The following AFAP1 variants were observed in gnomAD, a reference collection of about 807,000 sequenced individuals.
AFAP1 encodes actin filament-associated protein 1.
A neutral mutation model predicts 93.9 loss-of-function variants in AFAP1; 75 were observed. The ratio of observed to expected loss-of-function variants is 0.80; its 90% CI spans 0.66 to 0.97. The LOEUF is 0.97. Among genes scored for constraint, AFAP1 ranks in the 50% least tolerant of loss-of-function variants. AFAP1 has a pLI of 0.00. For synonymous variants in AFAP1, 517 were observed against 430.7 expected, an observed-to-expected ratio of 1.20 and a Z score of -2.48; for missense variants, 1,201 against 1,050.8, an observed-to-expected ratio of 1.14 and a Z score of -1.98.
At chr4:7,861,241 G>A (rs540100636) in intron 3 of AFAP1, among the ~76,000 whole-genome samples, 3 of 152,210 alleles carry the variant, frequency 2.0e-5, no homozygotes, top group African/African-American at 7.2e-5. Context: ...TCACATATTG[G>A]CGAAACCCTT....
At chr4:7,814,397 G>A (rs551384366) in intron 8 of AFAP1, among the ~76,000 whole-genome samples, 1 of 152,344 alleles carries the variant, frequency 6.6e-6, no homozygotes, top group South Asian at 2.1e-4. Context: ...AGAAGCCTAT[G>A]ACCAAGCAAT....
rs1714957680 is a variant in AFAP1 at position 7,855,571 on chromosome 4, G to A, written c.229C>T (p.Pro77Ser). ...LPEIPQPWLPPDSGPPPLPTS... is the reference protein window; with the variant it reads ...LPEIPQPWLPSDSGPPPLPTS... ...GGCAATGGTGGAGGCCCACTGTCAG[G>A]AGGCTGAGGAAGAAAGGAAAAGTGA... The change falls in exon 4 of 18, where the codon CCT becomes TCT. Residue 77 changes from proline (P) to serine (S), a missense_variant. Transcript: ENST00000420658. The A allele has an allele frequency of 1.2e-6, 2 of 1,610,012 alleles. No homozygotes were observed. Among genetic ancestry groups the A allele is most frequent in the Non-Finnish European group, 1.7e-6 (2 of 1,176,370 alleles).
At chr4:7,763,823 G>A (rs912946758) in intron 17 of AFAP1, 32 bp from the exon 18 acceptor site, 3 of 1,551,196 alleles carry the variant, frequency 1.9e-6, no homozygotes, top group Admixed American at 2.0e-5. Flanking sequence ...TAAGTGGACA[G>A]GGCAAGAGGA....
intron 2 of AFAP1, among the ~76,000 whole-genome samples, chr4:7,869,652 C>A (rs2149178767): frequency 6.6e-6 from 1 of 152,190 alleles, no homozygotes; most frequent in East Asian, 1.9e-4. Flanking sequence ...TATTTGTATG[C>A]CTAACACTCA....
chr4:7,855,200 C>T (rs779056739), intron 4 of AFAP1, among the ~76,000 whole-genome samples: 5 of 152,236 alleles, frequency 3.3e-5, no homozygotes, highest in Non-Finnish European at 7.3e-5. Flanking sequence ...CTCTTCCGCA[C>T]TGCTGATACC....
intron 2 of AFAP1, among the ~76,000 whole-genome samples, chr4:7,871,597 C>A (rs560433183): frequency 6.6e-6 from 1 of 152,214 alleles, no homozygotes; most frequent in African/African-American, 2.4e-5. Flanking sequence ...TTCTCCCTTC[C>A]GATCTGCCAG....
intron 1 of AFAP1, among the ~76,000 whole-genome samples, chr4:7,921,111 T>C (rs1560237384): frequency 1.3e-5 from 2 of 151,270 alleles, no homozygotes; most frequent in Non-Finnish European, 2.9e-5. Context: ...ACACATCCTA[T>C]GAGACCAGGT....
chr4:7,906,612 A>G (rs957327563), intron 1 of AFAP1, among the ~76,000 whole-genome samples: 2 of 152,130 alleles, frequency 1.3e-5, no homozygotes, highest in Non-Finnish European at 2.9e-5. Context: ...ACTGACATAA[A>G]ATACTACAGC....
At chr4:7,901,677 G>A (rs553821293) in intron 1 of AFAP1, among the ~76,000 whole-genome samples, 4 of 152,324 alleles carry the variant, frequency 2.6e-5, no homozygotes, top group East Asian at 1.9e-4. Context: ...AAAGGAATGC[G>A]CCTCCCTGTA....
rs371401645 is a variant in AFAP1, at chr4:7,786,195, G to A, written c.1529C>T (p.Ser510Leu). The change falls in exon 12 of 18, where the codon TCG becomes TTG. Residue 510 changes from serine (S) to leucine (L), a missense_variant and splice_region_variant. By Grantham distance (145) the Ser-to-Leu change is moderately radical. Transcript: ENST00000420658. ...TTACTCCAAAAAAAGGGCACTCACC[G>A]AGCCGTTGATGCACGGGACATCGTC... ...HYDDVPCING[S>L]WEPEDGFPAS... The A allele has an allele frequency of 2.5e-5, 41 of 1,613,236 alleles. 1 individual carries two copies. The East Asian group carries it at 3.1e-4, about 12-fold the overall frequency.
intron 1 of AFAP1, among the ~76,000 whole-genome samples, chr4:7,890,595 A>G (rs907272928): frequency 6.6e-6 from 1 of 152,234 alleles, no homozygotes; most frequent in Non-Finnish European, 1.5e-5. Context: ...GTAACAACAC[A>G]CTGAATACCA....
chr4:7,822,265 G>A (rs895241789), intron 6 of AFAP1, among the ~76,000 whole-genome samples: 1 of 152,138 alleles, frequency 6.6e-6, no homozygotes, highest in Non-Finnish European at 1.5e-5. Context: ...AATTCTCAGA[G>A]CCTTGCTTCC....
intron 4 of AFAP1, among the ~76,000 whole-genome samples, chr4:7,852,875 A>G (rs534562063): frequency 6.6e-6 from 1 of 152,124 alleles, no homozygotes. Context: ...CCTTGTATGA[A>G]TATCTCGGAA....
rs1467374674 is a variant in AFAP1 at position 7,868,491 on chromosome 4, C to T, written c.225+131G>A. The T allele has an allele frequency of 5.6e-6, 4 of 719,774 alleles. No homozygotes were observed. The Admixed American group carries it at 1.2e-4, about 22-fold the overall frequency. The allele number at this position is 719,774 out of a possible 1,614,324, so 44.6% of individuals were successfully genotyped here. On this transcript the variant is annotated intron_variant, in intron 3 of 17. Transcript: ENST00000420658. ...ACAGCTTCTCAGCCCTAGAAATATA[C>T]TCAAAGGAGTGCCTCGAGACAAATA...
At chr4:7,771,019 G>A (rs1429322568) in intron 16 of AFAP1, among the ~76,000 whole-genome samples, 1 of 152,178 alleles carries the variant, frequency 6.6e-6, no homozygotes, top group African/African-American at 2.4e-5. Flanking sequence ...GTTGTCCAAG[G>A]CACCTCCTAG....
At chr4:7,860,486 A>G (rs553502998) in intron 3 of AFAP1, among the ~76,000 whole-genome samples, 3 of 152,162 alleles carry the variant, frequency 2.0e-5, no homozygotes, top group Non-Finnish European at 4.4e-5. Flanking sequence ...CTTGCCTACA[A>G]GGTGTCAGGC....
At chr4:7,913,603 A>T (rs546825124) in intron 1 of AFAP1, among the ~76,000 whole-genome samples, 2 of 152,204 alleles carry the variant, frequency 1.3e-5, no homozygotes, top group African/African-American at 2.4e-5. Flanking sequence ...CCTGGACAAC[A>T]ACTAAAAATG....
chr4:7,872,862 A>C (rs191028931), intron 1 of AFAP1, among the ~76,000 whole-genome samples: 23 of 151,448 alleles, frequency 1.5e-4, no homozygotes, highest in African/African-American at 5.3e-4. Context: ...CGAATCAAGG[A>C]AGTGACACCA....
intron 15 of AFAP1, 30 bp from the exon 16 acceptor site, chr4:7,773,040 G>A (rs766721816): frequency 2.6e-5 from 41 of 1,594,634 alleles, no homozygotes; most frequent in Non-Finnish European, 3.1e-5. Flanking sequence ...CGTTACTCCC[G>A]CGGCAGGCAC....
Sources: gnomAD v4.1 joint callset for allele counts (sites outside exome capture counted in the v4.1 genomes callset) on GRCh38, gnomAD v4.1.1 for gene constraint, MANE v1.5 for transcripts, NCBI Gene and HGNC (gene_info 2026-07-23, HGNC 2026-07-21) for gene names.